TMEM98: variants seen among roughly 807,000 people sequenced by gnomAD.
TMEM98 encodes transmembrane protein 98.
In TMEM98, 18 loss-of-function variants were observed where a neutral mutation model predicts 25.0. That is an observed-to-expected ratio of 0.72 (90% CI 0.50 to 1.07). The LOEUF is 1.07. Ranked by LOEUF, TMEM98 falls within the 50% of genes least tolerant of loss-of-function variation. TMEM98 has a pLI of 0.00. For missense variants in TMEM98, 241 were observed against 289.0 expected, an observed-to-expected ratio of 0.83 and a Z score of 1.20; for synonymous variants, 103 against 112.4, an observed-to-expected ratio of 0.92 and a Z score of 0.53.
chr17:32,939,437 C>A (rs761927018), intron 6 of TMEM98, 40 bp from the exon 7 acceptor site: 2 of 1,539,918 alleles, frequency 1.3e-6, no homozygotes, highest in South Asian at 2.3e-5. Context: ...AAAAGGAGAT[C>A]AGGAAAGTGA....
In TMEM98 at chr17:32,928,252, CCGGGCCGGG is replaced by C. The variant is rs2151108982; in HGVS notation, c.-131+23_-131+31del. On this transcript the variant is annotated intron_variant, in intron 1 of 7. Coordinates refer to ENST00000579849, the MANE Select transcript of TMEM98 (RefSeq NM_015544.3). ...CACAGCCTGAGGTGGGTGAGCCCCG[CCGGGCCGGG>C]CGGGCCGCGGCGAGTCGGGGAAGGG... 1 of 149,152 alleles carries C rather than the reference CCGGGCCGGG, an allele frequency of 6.7e-6. No individual in the cohort carries two copies. Among genetic ancestry groups the C allele is most frequent in the East Asian group, 2.0e-4 (1 of 4,992 alleles). 9.2% of individuals were successfully genotyped at this position (149,152 alleles called of 1,614,324 possible).
Position 32,928,233 on chromosome 17 carries a change from C to T in TMEM98, c.-135C>T, listed in dbSNP as rs1232949849. The T allele has an allele frequency of 6.8e-6, 1 of 147,826 alleles. No individual in the cohort carries two copies. Among genetic ancestry groups the T allele is most frequent in the African/African-American group, 2.5e-5 (1 of 40,396 alleles). The allele number at this position is 147,826 out of a possible 1,614,324, so 9.2% of individuals were successfully genotyped here. The stretch of plus-strand genomic sequence containing the variant: ...GCGGGATGCGCCCGGGAGCCACAGC[C>T]TGAGGTGGGTGAGCCCCGCCGGGCC... On this transcript the variant is annotated 5_prime_UTR_variant, in exon 1 of 8. Transcript: ENST00000579849.
Position 32,943,667 on chromosome 17 carries a change from TAACATTCTG to T in TMEM98, c.*2675_*2683del. 1 of 152,346 alleles carries T rather than the reference TAACATTCTG, an allele frequency of 6.6e-6. No individual in the cohort carries two copies. Among genetic ancestry groups the T allele is most frequent in the East Asian group, 1.9e-4 (1 of 5,186 alleles). The allele number at this position is 152,346 out of a possible 1,614,324, so 9.4% of individuals were successfully genotyped here. Reference sequence around the variant, plus strand: ...TACAGTGTGAGCTTGGTCAAGTTCTTAACATTCTGGTCCTTAGCATTCTCATCTGTATGG... The same window carrying T: ...TACAGTGTGAGCTTGGTCAAGTTCTTGTCCTTAGCATTCTCATCTGTATGG... On this transcript the variant is annotated 3_prime_UTR_variant, in exon 8 of 8. Transcript: ENST00000579849.
chr17:32,939,036 G>C (rs373135644), intron 6 of TMEM98, among the ~76,000 whole-genome samples: 2 of 152,152 alleles, frequency 1.3e-5, no homozygotes, highest in East Asian at 3.8e-4. Context: ...GTCTGAGAAT[G>C]CAGAAGCAAT....
intron 7 of TMEM98, among the ~76,000 whole-genome samples, chr17:32,940,470 T>C (rs1044482972): frequency 6.6e-6 from 1 of 152,194 alleles, no homozygotes; most frequent in Non-Finnish European, 1.5e-5. Flanking sequence ...TTTGGGGAGA[T>C]GTTAATAGGT....
At chr17:32,934,473 T>TC (rs71362867) in intron 5 of TMEM98, 149 bp downstream of exon 5, 33 of 769,508 alleles carry the variant, frequency 4.3e-5, no homozygotes, top group Admixed American at 9.9e-5. Context: ...GTGGTTTACT[T>TC]CCCCCCCTGC....
chr17:32,940,860 T>G lies in TMEM98; in HGVS notation c.548T>G (p.Leu183Arg). 6.2e-7 allele frequency: 1 copy of G among 1,614,226 alleles called. No homozygotes were observed. The highest frequency in any genetic ancestry group is 8.5e-7 in the Non-Finnish European group (1 of 1,180,030). ...AATGCCTGCCATCTGACGGGAGGCC[T>G]GGACTGGATTGACCAGTCTCTGTCG... Reference protein sequence around the residue: ...TRNACHLTGGLDWIDQSLSAA... With the variant: ...TRNACHLTGGRDWIDQSLSAA... Residue 183 changes from leucine (L) to arginine (R), a missense_variant, in exon 8 of 8, where the codon CTG (leucine) becomes CGG (arginine). Leu to Arg is a moderately radical substitution (Grantham distance 102, BLOSUM62 -2). Coordinates refer to ENST00000579849, the MANE Select transcript of TMEM98 (RefSeq NM_015544.3).
chr17:32,931,741 C>T, intron 3 of TMEM98, 82 bp downstream of exon 3: 1 of 1,509,136 alleles, frequency 6.6e-7, no homozygotes, highest in Non-Finnish European at 8.9e-7. Flanking sequence ...CAGTGTTGGG[C>T]AACTCTAACT....
chr17:32,936,453 C>T lies in TMEM98; in HGVS notation c.413+6C>T, dbSNP rs748047460. On this transcript the variant is annotated splice_donor_region_variant and intron_variant, in intron 6 of 7. Transcript: ENST00000579849. Reference sequence around the variant, plus strand: ...GCCAAGCGGATCAGCCCCAGGTGAGCAATTGGCGGCTTCGAGGTCCCCACA... The same window carrying T: ...GCCAAGCGGATCAGCCCCAGGTGAGTAATTGGCGGCTTCGAGGTCCCCACA... The T allele has an allele frequency of 7.4e-6, 12 of 1,612,936 alleles. No homozygotes were observed. Among genetic ancestry groups the T allele is most frequent in the South Asian group, 1.1e-5 (1 of 91,000 alleles).
At chr17:32,937,866 T>C (rs943612756) in intron 6 of TMEM98, among the ~76,000 whole-genome samples, 4 of 152,114 alleles carry the variant, frequency 2.6e-5, no homozygotes, top group Non-Finnish European at 5.9e-5. Flanking sequence ...GCTGGGATTA[T>C]AGGTGTGAGC....
intron 3 of TMEM98, among the ~76,000 whole-genome samples, chr17:32,932,461 A>G (rs192607928): frequency 8.5e-5 from 13 of 152,240 alleles, no homozygotes; most frequent in African/African-American, 2.6e-4. Context: ...GCAAGATTCT[A>G]TTTTCAATTT....
rs2091480906 is a variant in TMEM98, at chr17:32,933,537, A to C, written c.263+232A>C. ...CACTGCGGCCTATAGTTGTGTGGCA[A>C]AGGTTGTTATAAAGTCACCCTGGTG... On this transcript the variant is annotated intron_variant, in intron 4 of 7. Transcript: ENST00000579849. Among the ~76,000 whole-genome samples the C allele has an allele frequency of 2.0e-5, 3 of 152,130 alleles. No homozygotes were observed. The South Asian group carries it at 6.2e-4, about 32-fold the overall frequency.
chr17:32,928,398 C>A (rs2091444200), intron 1 of TMEM98, among the ~76,000 whole-genome samples, 161 bp downstream of exon 1: 2 of 150,048 alleles, frequency 1.3e-5, no homozygotes, highest in South Asian at 2.1e-4. Flanking sequence ...GAGTAGGAGC[C>A]GCGCCCCGGA....
intron 7 of TMEM98, 76 bp downstream of exon 7, chr17:32,939,612 G>A: frequency 6.3e-7 from 1 of 1,575,010 alleles, no homozygotes; most frequent in Non-Finnish European, 8.7e-7. Context: ...TGTGAGGCTG[G>A]CTGACTGGCT....
rs2091528534 is a variant in TMEM98, at chr17:32,941,076, G to A, written c.*83G>A. On this transcript the variant is annotated 3_prime_UTR_variant, in exon 8 of 8. Transcript: ENST00000579849. Reference sequence around the variant, plus strand: ...GCTTAGCCTTCTACTTTTTCCTATAGAGTTAGTTGTTCTCCACGGCTGGAG... The same window carrying A: ...GCTTAGCCTTCTACTTTTTCCTATAAAGTTAGTTGTTCTCCACGGCTGGAG... 3.2e-6 allele frequency: 4 copies of A among 1,233,156 alleles called. No individual in the cohort carries two copies. The highest frequency in any genetic ancestry group is 5.1e-5 in the East Asian group (2 of 39,110). The allele number at this position is 1,233,156 out of a possible 1,614,324, so 76.4% of individuals were successfully genotyped here. A position where few individuals can be genotyped will look rare whatever the true frequency, so the allele number is the denominator to read the frequency against.
intron 4 of TMEM98, 114 bp downstream of exon 4, chr17:32,933,419 G>T: frequency 7.0e-7 from 1 of 1,424,406 alleles, no homozygotes; most frequent in Non-Finnish European, 9.7e-7. Context: ...GTTACTTGCT[G>T]CTCTTTCCTG....
At chr17:32,929,651 A>C (rs573756792) in intron 1 of TMEM98, among the ~76,000 whole-genome samples, 2 of 152,238 alleles carry the variant, frequency 1.3e-5, no homozygotes, top group South Asian at 4.1e-4. Flanking sequence ...GAAGAGGCAG[A>C]TGCCAGCCTT....
rs9910066 is a variant in TMEM98, at chr17:32,934,552, A to G, written c.297+228A>G. Among the ~76,000 whole-genome samples the G allele has an allele frequency of 7.0e-3, 1,059 of 152,276 alleles. 14 individuals are homozygous for G. Among genetic ancestry groups the G allele is most frequent in the African/African-American group, 0.024 (984 of 41,554 alleles). On this transcript the variant is annotated intron_variant, in intron 5 of 7. Transcript: ENST00000579849. ...TTATTTCATCTGGTCGTCTTAATTC[A>G]ATGACCTGTGGGAAAGACAGCCTAG...
chr17:32,934,995 C>T (rs1037840574), intron 5 of TMEM98, among the ~76,000 whole-genome samples: 1 of 151,692 alleles, frequency 6.6e-6, no homozygotes, highest in African/African-American at 2.4e-5. Flanking sequence ...AATATTTGGC[C>T]AGTTGCAAAT....
Sources: allele counts gnomAD v4.1 joint callset (sites outside exome capture counted in the v4.1 genomes callset), GRCh38; gene constraint gnomAD v4.1.1; transcripts MANE v1.5; gene names NCBI Gene and HGNC (gene_info 2026-07-23, HGNC 2026-07-21).